PI16: variants seen among roughly 807,000 people sequenced by gnomAD.
PI16 encodes the protein peptidase inhibitor 16.
In PI16, 35 loss-of-function variants were observed where a neutral mutation model predicts 38.0. The ratio of observed to expected loss-of-function variants is 0.92; its 90% CI spans 0.70 to 1.22. The LOEUF is 1.22. Ranked by LOEUF, PI16 falls within the 50% of genes most tolerant of loss-of-function variation. The pLI is 0.00. For synonymous variants in PI16, 275 were observed against 252.9 expected (o/e 1.09, Z -0.83); for missense variants, 572 against 593.8 (o/e 0.96, Z 0.38).
In PI16 at chr6:36,963,894, C is replaced by T; in HGVS notation, c.1342C>T (p.Leu448Phe). The change falls in exon 6 of 7, where the codon CTC becomes TTC. Residue 448 changes from leucine to phenylalanine, a missense_variant. Coordinates refer to ENST00000373674, the MANE Select transcript of PI16 (RefSeq NM_153370.3). ...NSGPGHVWGPLLGLLLLPPLV... is the reference protein window; with the variant it reads ...NSGPGHVWGPFLGLLLLPPLV... ...GGGCCCTGGTCATGTGTGGGGCCCT[C>T]TCCTGGGACTACTGCTCCTGCCTCC... The T allele has an allele frequency of 6.2e-7, 1 of 1,614,002 alleles. No individual in the cohort carries two copies. Among genetic ancestry groups the T allele is most frequent in the Admixed American group, 1.7e-5 (1 of 59,992 alleles).
intron 1 of PI16, 33 bp from the exon 2 acceptor site, chr6:36,959,112 A>C (rs755588560): frequency 6.4e-7 from 1 of 1,572,620 alleles, no homozygotes; most frequent in Non-Finnish European, 8.6e-7. Context: ...ATCTGTGGGC[A>C]TCCTCACCTC....
intron 2 of PI16, among the ~76,000 whole-genome samples, chr6:36,960,966 A>G (rs1019049080): frequency 6.6e-6 from 1 of 152,134 alleles, no homozygotes; most frequent in Admixed American, 6.5e-5. Flanking sequence ...CTGAGAAACA[A>G]CCAGAACAGG....
intron 1 of PI16, among the ~76,000 whole-genome samples, chr6:36,957,027 C>T (rs1763225366): frequency 6.6e-6 from 1 of 152,130 alleles, no homozygotes. Context: ...CACAAGGACT[C>T]CTAGGATAGC....
chr6:36,956,037 C>G (rs994011968), intron 1 of PI16, among the ~76,000 whole-genome samples: 2 of 152,176 alleles, frequency 1.3e-5, no homozygotes, highest in Non-Finnish European at 2.9e-5. Context: ...GGCCCCAAAC[C>G]TAAGTTCTAA....
chr6:36,956,878 T>G (rs1321853009), intron 1 of PI16, among the ~76,000 whole-genome samples: 2 of 152,178 alleles, frequency 1.3e-5, no homozygotes, highest in Non-Finnish European at 2.9e-5. Flanking sequence ...CATGAACTCT[T>G]CCTTCTCTCT....
upstream of PI16, among the ~76,000 whole-genome samples, chr6:36,949,900 T>C (rs1763072223): frequency 1.3e-5 from 2 of 152,158 alleles, no homozygotes; most frequent in Non-Finnish European, 2.9e-5. Context: ...GGATATTTTT[T>C]TTTTTTCTCA....
At chr6:36,954,124 T>C (rs1322877912), upstream of PI16, among the ~76,000 whole-genome samples, 1 of 152,240 alleles carries the variant, frequency 6.6e-6, no homozygotes, top group Non-Finnish European at 1.5e-5. Context: ...CTACTGTTAC[T>C]GAGGGCCTAC....
At chr6:36,954,732 G>C (rs201111148), upstream of PI16, 1,709 of 1,596,774 alleles carry the variant, frequency 1.1e-3, 2 homozygotes, top group Non-Finnish European at 1.4e-3. Context: ...CAGACCCCTG[G>C]ACGGGAGAAG....
chr6:36,951,330 G>A (rs1438590808), upstream of PI16, among the ~76,000 whole-genome samples: 1 of 149,944 alleles, frequency 6.7e-6, no homozygotes, highest in Non-Finnish European at 1.5e-5. Flanking sequence ...GCTCTCTGCA[G>A]CCTTGACCTC....
chr6:36,959,205 C>G lies in PI16; in HGVS notation c.232C>G (p.His78Asp), dbSNP rs777173411. The G allele has an allele frequency of 1.8e-5, 29 of 1,611,422 alleles. No individual in the cohort carries two copies. Among genetic ancestry groups the G allele is most frequent in the Non-Finnish European group, 2.2e-5 (26 of 1,179,412 alleles). The part of the protein sequence containing the change: ...KAYARQCVWG[H>D]NKERGRRGEN... Reference sequence around the variant, plus strand: ...CTACGCACGGCAGTGCGTGTGGGGCCACAACAAGGAGCGCGGGCGCCGCGG... The same window carrying G: ...CTACGCACGGCAGTGCGTGTGGGGCGACAACAAGGAGCGCGGGCGCCGCGG... Residue 78 changes from histidine (H) to aspartate (D), a missense_variant, in exon 2 of 7, where the codon CAC becomes GAC. By Grantham distance (81) the His-to-Asp change is moderately conservative. Coordinates refer to ENST00000373674, the MANE Select transcript of PI16 (RefSeq NM_153370.3).
chr6:36,950,505 A>ACTAT (rs1763081956), upstream of PI16, among the ~76,000 whole-genome samples: 1 of 150,096 alleles, frequency 6.7e-6, no homozygotes, highest in Non-Finnish European at 1.5e-5. The surrounding 1 kb of genome is among the most constrained non-coding windows in gnomAD (Gnocchi z 4.2). Flanking sequence ...GACTAATGCT[A>ACTAT]CTATCAACAC....
rs1763409046 is a variant in PI16, at chr6:36,962,876, C to T, written c.593-59C>T. ...GGTCGCGTCACTTGGTTTGCAGTGCCATGAGAGATGTGGGGTCCTGCTTGC... is the reference window on the plus strand; with the variant it reads ...GGTCGCGTCACTTGGTTTGCAGTGCTATGAGAGATGTGGGGTCCTGCTTGC... On this transcript the variant is annotated intron_variant, in intron 4 of 6. Coordinates refer to ENST00000373674, the MANE Select transcript of PI16 (RefSeq NM_153370.3). This position sits in a 1 kb window ranked among gnomAD's most constrained non-coding sequence, Gnocchi z 4.1. The T allele has an allele frequency of 6.9e-6, 10 of 1,455,220 alleles. No homozygotes were observed. The highest frequency in any genetic ancestry group is 6.6e-6 in the Non-Finnish European group (7 of 1,068,492). The allele number at this position is 1,455,220 out of a possible 1,614,324, so 90.1% of individuals were successfully genotyped here.
At chr6:36,963,659 T>G (rs1763436657) in intron 5 of PI16, 47 bp downstream of exon 5, 3 of 1,589,246 alleles carry the variant, frequency 1.9e-6, no homozygotes, top group Non-Finnish European at 2.6e-6. Flanking sequence ...CTCTGGAATG[T>G]CAGTATCCTG....
chr6:36,954,729 C>T (rs1399917585), upstream of PI16: 1 of 1,594,512 alleles, frequency 6.3e-7, no homozygotes, highest in Non-Finnish European at 8.6e-7. Flanking sequence ...TGCCAGACCC[C>T]TGGACGGGAG....
intron 1 of PI16, among the ~76,000 whole-genome samples, chr6:36,948,765 C>T (rs1225093076): frequency 7.0e-6 from 1 of 142,326 alleles, no homozygotes; most frequent in African/African-American, 2.6e-5. Context: ...CCCTTCCCAC[C>T]CTCCCTTCCC....
rs1320864863 is a variant in PI16 at position 36,954,774 on chromosome 6, G to A, written c.14G>A (p.Cys5Tyr). Residue 5 changes from cysteine (C) to tyrosine (Y), a missense_variant, in exon 1 of 7, where the codon TGC becomes TAC. Cys to Tyr is a radical substitution (Grantham distance 194). Coordinates refer to ENST00000373674, the MANE Select transcript of PI16 (RefSeq NM_153370.3). ...CGGCTGGCCACCATGCACGGCTCCT[G>A]CAGTTTCCTGATGCTTCTGCTGCCG... MHGS[C>Y]SFLMLLLPLL... 1 of 1,613,062 alleles carries A rather than the reference G, an allele frequency of 6.2e-7. No individual in the cohort carries two copies. The highest frequency in any genetic ancestry group is 1.3e-5 in the African/African-American group (1 of 74,890).
chr6:36,962,118 G>T lies in PI16; in HGVS notation c.592+144G>T, dbSNP rs1031244146. ...ATGCGACCACCGGGGGCCCCTGGCG[G>T]CTCCCTTAGCCCCCCACGCGCAGCC... On this transcript the variant is annotated intron_variant, in intron 4 of 6. Transcript: ENST00000373674. This position sits in a 1 kb window ranked among gnomAD's most constrained non-coding sequence, Gnocchi z 4.1. 1.6e-6 allele frequency: 1 copy of T among 622,130 alleles called. No individual in the cohort carries two copies. Among genetic ancestry groups the T allele is most frequent in the East Asian group, 2.8e-5 (1 of 36,218 alleles). The allele number at this position is 622,130 out of a possible 1,614,324, so 38.5% of individuals were successfully genotyped here.
Position 36,962,329 on chromosome 6 carries a change from TGCTGGGG to T in PI16, c.592+358_592+364del, listed in dbSNP as rs1763390852. ...GGCTTCAAACGGGCGAGGCCAGTCT[TGCTGGGG>T]GCGTGTGAGGGACCGCGATCCCGCT... On this transcript the variant is annotated intron_variant, in intron 4 of 6. Transcript: ENST00000373674. This position sits in a 1 kb window ranked among gnomAD's most constrained non-coding sequence, Gnocchi z 4.1. 6.6e-6 allele frequency among the ~76,000 whole-genome samples: 1 copy of T among 152,122 alleles called. No homozygotes were observed. The highest frequency in any genetic ancestry group is 2.1e-4 in the South Asian group (1 of 4,824).
chr6:36,961,935 C>CT lies in PI16; in HGVS notation c.553_554insT (p.Gln185LeufsTer14). 1 of 1,614,156 alleles carries CT rather than the reference C, an allele frequency of 6.2e-7. No individual in the cohort carries two copies. The highest frequency in any genetic ancestry group is 1.1e-5 in the South Asian group (1 of 91,084). On this transcript the variant is annotated frameshift_variant, in exon 4 of 7. Coordinates refer to ENST00000373674, the MANE Select transcript of PI16 (RefSeq NM_153370.3). LOFTEE classifies it high-confidence loss of function. ...CTACCAGGAGGGGACTCCGTGCTCCCAATGTCCCTCTGGCTACCACTGCAA... is the reference window on the plus strand; with the variant it reads ...CTACCAGGAGGGGACTCCGTGCTCCCTAATGTCCCTCTGGCTACCACTGCAA...
Sources: allele counts gnomAD v4.1 joint callset (sites outside exome capture counted in the v4.1 genomes callset), GRCh38; gene constraint gnomAD v4.1.1; non-coding constraint Gnocchi (gnomAD v3.1); transcripts MANE v1.5; gene names NCBI Gene and HGNC (gene_info 2026-07-23, HGNC 2026-07-21).